Variants in CGNL1 observed in about 807,000 individuals in gnomAD.
CGNL1 encodes the protein cingulin like 1.
Under a neutral mutation model 141.2 loss-of-function variants are expected in CGNL1, and 132 were observed. The observed-to-expected ratio is 0.93, with a 90% CI of 0.81 to 1.08. The LOEUF is 1.08. Among genes scored for constraint, CGNL1 ranks in the 50% least tolerant of loss-of-function variants. The pLI is 0.00. For missense variants in CGNL1, 1,870 were observed against 1,588.6 expected (o/e 1.18, Z -3.01); for synonymous variants, 690 against 622.1 (o/e 1.11, Z -1.63).
At chr15:57,442,752 G>A (rs1228384651) in intron 4 of CGNL1, among the ~76,000 whole-genome samples, 3 of 152,074 alleles carry the variant, frequency 2.0e-5, no homozygotes, top group Non-Finnish European at 2.9e-5. Context: ...CCAAGCAGCT[G>A]GAACTACAGG....
At chr15:57,458,802 T>G (rs781566969) in intron 7 of CGNL1, among the ~76,000 whole-genome samples, 5 of 152,134 alleles carry the variant, frequency 3.3e-5, no homozygotes, top group Non-Finnish European at 7.4e-5. Flanking sequence ...AGGGTATAAT[T>G]TCATAAGATC....
intron 13 of CGNL1, among the ~76,000 whole-genome samples, chr15:57,529,218 T>G (rs1309292478): frequency 1.3e-5 from 2 of 152,200 alleles, no homozygotes; most frequent in African/African-American, 4.8e-5. Flanking sequence ...TCATTCTTCA[T>G]TTGCCACACC....
chr15:57,538,013 A>AC (rs113921091), intron 14 of CGNL1, among the ~76,000 whole-genome samples: 34,369 of 152,092 alleles, frequency 0.23, 4,208 homozygotes, highest in Non-Finnish European at 0.27. Flanking sequence ...CCTCCCCGCC[A>AC]CCCCCCGCCC....
At chr15:57,487,691 T>A (rs1433850545) in intron 8 of CGNL1, among the ~76,000 whole-genome samples, 1 of 152,260 alleles carries the variant, frequency 6.6e-6, no homozygotes, top group Non-Finnish European at 1.5e-5. Flanking sequence ...TAGATTGTGC[T>A]GTTATTGAGA....
rs536290663 is a variant in CGNL1, at chr15:57,435,061, G to T, written c.-15-2924G>T. ...TTTTGATCATTTGGAAATTAATACCGATAAGCATCTCACAGATGTAATGTA... is the reference window on the plus strand; with the variant it reads ...TTTTGATCATTTGGAAATTAATACCTATAAGCATCTCACAGATGTAATGTA... On this transcript the variant is annotated intron_variant, in intron 1 of 18. Transcript: ENST00000281282. 1.2e-4 allele frequency among the ~76,000 whole-genome samples: 18 copies of T among 152,058 alleles called. No homozygotes were observed. In the East Asian group the frequency reaches 3.1e-3, roughly 26 times the overall value.
intron 8 of CGNL1, among the ~76,000 whole-genome samples, chr15:57,492,436 A>G (rs1567151325): frequency 6.6e-6 from 1 of 152,370 alleles, no homozygotes; most frequent in East Asian, 1.9e-4. Context: ...ATAGATTTGC[A>G]ACTTTGTTTA....
Position 57,545,678 on chromosome 15 carries a change from C to T in CGNL1, c.3587C>T (p.Ser1196Leu), listed in dbSNP as rs1391882881. ...LVMQVDDEHL[S>L]LTDQKDQLSL... ...ATGCAGGTGGATGATGAGCACCTGT[C>T]ATTGACTGATCAGAAGGACCAGGTG... is the stretch of plus-strand genomic sequence containing the variant. The change falls in exon 17 of 19, where the codon TCA becomes TTA. Residue 1196 changes from serine to leucine, a missense_variant. By Grantham distance (145) the Ser-to-Leu change is moderately radical. Transcript: ENST00000281282. 6.2e-7 allele frequency: 1 copy of T among 1,612,892 alleles called. No homozygotes were observed. The highest frequency in any genetic ancestry group is 8.5e-7 in the Non-Finnish European group (1 of 1,179,378).
chr15:57,487,377 A>G (rs1038267325), intron 8 of CGNL1, among the ~76,000 whole-genome samples: 3 of 151,938 alleles, frequency 2.0e-5, no homozygotes, highest in African/African-American at 7.2e-5. Flanking sequence ...AAAAAAAGGT[A>G]AAAGAGGAGG....
intron 15 of CGNL1, 42 bp downstream of exon 15, chr15:57,543,821 C>T (rs1372052526): frequency 1.4e-6 from 2 of 1,459,226 alleles, no homozygotes; most frequent in Admixed American, 3.4e-5. Context: ...CGTCCATCCG[C>T]TAACCCTCCC....
At chr15:57,545,555 A>G in intron 16 of CGNL1, 37 bp from the exon 17 acceptor site, 1 of 1,571,110 alleles carries the variant, frequency 6.4e-7, no homozygotes, top group Non-Finnish European at 8.7e-7. Flanking sequence ...CAGGGATGGG[A>G]GTGAGAGGGT....
chr15:57,391,064 T>C (rs2062537421), intron 1 of CGNL1, among the ~76,000 whole-genome samples: 2 of 152,078 alleles, frequency 1.3e-5, no homozygotes, highest in African/African-American at 4.8e-5. Context: ...GCCTTTTACA[T>C]CCAAAGAAAC....
intron 1 of CGNL1, among the ~76,000 whole-genome samples, chr15:57,431,297 T>G (rs754319250): frequency 1.3e-5 from 2 of 152,200 alleles, no homozygotes; most frequent in Non-Finnish European, 2.9e-5. Context: ...ATTTTTGAAA[T>G]TGTTTTCCCA....
At chr15:57,525,457 C>A (rs2081108236) in intron 12 of CGNL1, among the ~76,000 whole-genome samples, 1 of 152,330 alleles carries the variant, frequency 6.6e-6, no homozygotes, top group Non-Finnish European at 1.5e-5. Context: ...AGCAACTTAA[C>A]CCCAGTTTTC....
At chr15:57,437,837 A>G (rs1416527796) in intron 1 of CGNL1, 148 bp from the exon 2 acceptor site, 8 of 801,264 alleles carry the variant, frequency 1.0e-5, no homozygotes, top group Non-Finnish European at 1.6e-5. Flanking sequence ...GCTGCCCTTC[A>G]GCACTTGGTT....
intron 1 of CGNL1, among the ~76,000 whole-genome samples, chr15:57,412,416 C>A (rs900681387): frequency 2.6e-5 from 4 of 152,212 alleles, no homozygotes; most frequent in African/African-American, 4.8e-5. Context: ...CCTCTGGCCT[C>A]TTTGGTGTGA....
intron 8 of CGNL1, among the ~76,000 whole-genome samples, chr15:57,472,223 G>T (rs1003533874): frequency 2.0e-5 from 3 of 152,046 alleles, no homozygotes; most frequent in Admixed American, 6.6e-5. Flanking sequence ...CCAGAGACTG[G>T]TCCAAGCAGA....
chr15:57,383,361 C>T (rs1424067290), intron 1 of CGNL1, among the ~76,000 whole-genome samples: 1 of 143,860 alleles, frequency 7.0e-6, no homozygotes, highest in African/African-American at 2.7e-5. Context: ...TGCAATGGCA[C>T]AATCTCAGCT....
intron 1 of CGNL1, among the ~76,000 whole-genome samples, chr15:57,384,566 C>T (rs2062461353): frequency 6.6e-6 from 1 of 152,168 alleles, no homozygotes; most frequent in African/African-American, 2.4e-5. Flanking sequence ...TGAACTCACC[C>T]ACGTATTTCT....
chr15:57,411,411 C>G (rs2062785281), intron 1 of CGNL1, among the ~76,000 whole-genome samples: 1 of 151,932 alleles, frequency 6.6e-6, no homozygotes, highest in Middle Eastern at 3.2e-3. Context: ...GTGCCATGCA[C>G]TGTCCAGATG....
Sources: allele counts gnomAD v4.1 joint callset (sites outside exome capture counted in the v4.1 genomes callset), GRCh38; gene constraint gnomAD v4.1.1; transcripts MANE v1.5; gene names NCBI Gene and HGNC (gene_info 2026-07-23, HGNC 2026-07-21).